The following MPPED2 variants were observed in gnomAD, a reference collection of about 807,000 sequenced individuals.
MPPED2 encodes metallophosphoesterase MPPED2.
MPPED2 carries 5 observed loss-of-function variants against 33.0 expected under a neutral mutation model. The ratio of observed to expected loss-of-function variants is 0.15; its 90% CI spans 0.08 to 0.32. MPPED2 has a LOEUF of 0.32. MPPED2 is among the 10% of genes least tolerant of loss of function. MPPED2 has a pLI of 1.00. For missense variants in MPPED2, 275 were observed against 372.1 expected (o/e 0.74, Z 2.15); for synonymous variants, 136 against 141.9 (o/e 0.96, Z 0.29).
chr11:30,431,607 G>A (rs1375573073), intron 4 of MPPED2, among the ~76,000 whole-genome samples: 2 of 152,142 alleles, frequency 1.3e-5, no homozygotes, highest in Non-Finnish European at 2.9e-5. Context: ...AGCAGATGGT[G>A]GAAACTGCCT....
In MPPED2 at chr11:30,583,134, C is replaced by CTTTTTTTCTTTTTTTTTTTTTT. The variant is rs1554919022; in HGVS notation, c.-121-2641_-121-2640insAAAAAAAAAAAAAAGAAAAAAA. ...CACAAACACCTGGAAAAGACTTTTTCTTTTTTTTTTTTTTTTTTTTTTTTT... is the reference window on the plus strand; with the variant it reads ...CACAAACACCTGGAAAAGACTTTTTCTTTTTTTCTTTTTTTTTTTTTTTTTTTTTTTTTTTTTTTTTTTTTTT... On this transcript the variant is annotated intron_variant, in intron 1 of 6. Coordinates refer to ENST00000358117, the MANE Select transcript of MPPED2 (RefSeq NM_001584.3). Among the ~76,000 whole-genome samples the CTTTTTTTCTTTTTTTTTTTTTT allele has an allele frequency of 2.8e-3, 272 of 96,600 alleles. 17 individuals are homozygous for CTTTTTTTCTTTTTTTTTTTTTT. Among genetic ancestry groups the CTTTTTTTCTTTTTTTTTTTTTT allele is most frequent in the East Asian group, 3.7e-3 (14 of 3,736 alleles). The allele number at this position is 96,600 out of a possible 152,430, so 63.4% of individuals were successfully genotyped here.
At chr11:30,486,348 AATATAACTGGTACAGAATCTACACG>A (rs989837857) in intron 4 of MPPED2, among the ~76,000 whole-genome samples, 1 of 151,526 alleles carries the variant, frequency 6.6e-6, no homozygotes, top group Non-Finnish European at 1.5e-5. Flanking sequence ...AAGTAGCCTG[AATATAACTGGTACAGAATCTACACG>A]ACGCTAAGAA....
At chr11:30,449,151 T>TG (rs1949941274) in intron 4 of MPPED2, among the ~76,000 whole-genome samples, 2 of 151,790 alleles carry the variant, frequency 1.3e-5, no homozygotes, top group African/African-American at 4.9e-5. Context: ...ACACAGTGCC[T>TG]GGAACATGGT....
chr11:30,426,282 T>G (rs1948833250), intron 4 of MPPED2, among the ~76,000 whole-genome samples: 1 of 152,234 alleles, frequency 6.6e-6, no homozygotes, highest in South Asian at 2.1e-4. Context: ...GTCTGGCTTA[T>G]TTCACCCTGC....
At chr11:30,552,412 G>A (rs1286408268) in intron 2 of MPPED2, among the ~76,000 whole-genome samples, 1 of 152,150 alleles carries the variant, frequency 6.6e-6, no homozygotes, top group Non-Finnish European at 1.5e-5. Flanking sequence ...GTAAAATTAA[G>A]AATATGTATA....
intron 4 of MPPED2, among the ~76,000 whole-genome samples, chr11:30,494,757 A>AG (rs1554982032): frequency 6.6e-5 from 8 of 120,890 alleles, no homozygotes; most frequent in South Asian, 2.7e-4. Flanking sequence ...AAAAAAAAAA[A>AG]AAAGAAAGAA....
chr11:30,491,340 C>T (rs933013168), intron 4 of MPPED2, among the ~76,000 whole-genome samples: 4 of 152,142 alleles, frequency 2.6e-5, no homozygotes, highest in African/African-American at 4.8e-5. Context: ...GACCTCATTC[C>T]TCATGTTTTA....
At chr11:30,581,279 C>G (rs1158210690) in intron 1 of MPPED2, among the ~76,000 whole-genome samples, 1 of 152,206 alleles carries the variant, frequency 6.6e-6, no homozygotes, top group Non-Finnish European at 1.5e-5. Context: ...CCACCTCATT[C>G]TTGGTGCAAC....
At chr11:30,476,401 T>TAA (rs1951198386) in intron 4 of MPPED2, among the ~76,000 whole-genome samples, 1 of 152,048 alleles carries the variant, frequency 6.6e-6, no homozygotes, top group Non-Finnish European at 1.5e-5. Flanking sequence ...TAAAAAAATT[T>TAA]AAGTGTAAGA....
chr11:30,566,332 C>A (rs1464498700), intron 2 of MPPED2, among the ~76,000 whole-genome samples: 1 of 152,128 alleles, frequency 6.6e-6, no homozygotes, highest in Non-Finnish European at 1.5e-5. Context: ...AAACCCAAAT[C>A]TCTAGGGTCA....
At chr11:30,515,213 C>A (rs552265496) in intron 3 of MPPED2, among the ~76,000 whole-genome samples, 1 of 152,080 alleles carries the variant, frequency 6.6e-6, no homozygotes, top group Non-Finnish European at 1.5e-5. Flanking sequence ...CAGGGGTCAT[C>A]ATGAAAAGAG....
At chr11:30,484,187 A>G (rs1951619081) in intron 4 of MPPED2, among the ~76,000 whole-genome samples, 1 of 152,126 alleles carries the variant, frequency 6.6e-6, no homozygotes, top group Non-Finnish European at 1.5e-5. Flanking sequence ...ATCTAAATTA[A>G]TCATTAAATA....
intron 6 of MPPED2, among the ~76,000 whole-genome samples, chr11:30,400,458 G>T (rs1198895950): frequency 6.6e-6 from 1 of 152,202 alleles, no homozygotes; most frequent in Non-Finnish European, 1.5e-5. Flanking sequence ...TGTGTCCAAA[G>T]CTTCAGGATG....
chr11:30,398,256 A>G (rs936600869), intron 6 of MPPED2, among the ~76,000 whole-genome samples: 1 of 152,104 alleles, frequency 6.6e-6, no homozygotes, highest in African/African-American at 2.4e-5. Flanking sequence ...GGGACTGTGG[A>G]TAAGAATAAT....
intron 4 of MPPED2, among the ~76,000 whole-genome samples, chr11:30,444,555 G>T (rs1219855344): frequency 6.6e-6 from 1 of 151,160 alleles, no homozygotes; most frequent in Non-Finnish European, 1.5e-5. Flanking sequence ...TCACCTCAGG[G>T]CTGAAACAAG....
rs774345997 is a variant in MPPED2, at chr11:30,451,527, T to G, written c.537-33894A>C. The G allele has an allele frequency of 7.7e-4, 158 of 205,756 alleles. 1 individual carries two copies. The highest frequency in any genetic ancestry group is 1.2e-3 in the Non-Finnish European group (138 of 117,218). 12.7% of individuals were successfully genotyped at this position (205,756 alleles called of 1,614,324 possible). ...CATTCAAACCTGGCTGATTCAAAGA[T>G]TTTGCTAATAAGGAATCTTTAGGGC... On this transcript the variant is annotated intron_variant, in intron 4 of 6. Coordinates refer to ENST00000358117, the MANE Select transcript of MPPED2 (RefSeq NM_001584.3).
At chr11:30,515,089 T>C (rs927938353) in intron 3 of MPPED2, among the ~76,000 whole-genome samples, 1 of 152,126 alleles carries the variant, frequency 6.6e-6, no homozygotes, top group Non-Finnish European at 1.5e-5. Flanking sequence ...AGTGAGACTC[T>C]ATCTCAAAAC....
intron 4 of MPPED2, among the ~76,000 whole-genome samples, chr11:30,470,715 C>T (rs1229322809): frequency 6.6e-6 from 1 of 152,098 alleles, no homozygotes; most frequent in Admixed American, 6.6e-5. Flanking sequence ...CCCAAATCTC[C>T]CACTCTTCCC....
At chr11:30,572,099 T>C (rs893835533) in intron 2 of MPPED2, among the ~76,000 whole-genome samples, 1 of 152,140 alleles carries the variant, frequency 6.6e-6, no homozygotes. Flanking sequence ...CCTACAAATG[T>C]AGGTAACTTT....
Sources: allele counts gnomAD v4.1 joint callset (sites outside exome capture counted in the v4.1 genomes callset), GRCh38; gene constraint gnomAD v4.1.1; transcripts MANE v1.5; gene names NCBI Gene and HGNC (gene_info 2026-07-23, HGNC 2026-07-21).